Variants in VPS13B observed in about 807,000 individuals in gnomAD.
VPS13B encodes the protein vacuolar protein sorting 13 homolog B.
Under a neutral mutation model 426.4 loss-of-function variants are expected in VPS13B, and 285 were observed. The ratio of observed to expected loss-of-function variants is 0.67; its 90% CI spans 0.61 to 0.74. The LOEUF is 0.74. Ranked by LOEUF, VPS13B falls within the 30% of genes least tolerant of loss-of-function variation. VPS13B has a pLI of 0.00. For missense variants in VPS13B, 4,537 were observed against 4,782.6 expected (o/e 0.95, Z 1.51); for synonymous variants, 1,676 against 1,676.4 (o/e 1.00, Z 0.01).
intron 33 of VPS13B, among the ~76,000 whole-genome samples, chr8:99,591,034 T>C (rs1021757359): frequency 1.3e-5 from 2 of 152,174 alleles, no homozygotes; most frequent in Non-Finnish European, 2.9e-5. Context: ...GTTGGGTGTA[T>C]ATATATTTAG....
At chr8:99,804,623 A>G (rs1259011492) in intron 43 of VPS13B, among the ~76,000 whole-genome samples, 2 of 152,290 alleles carry the variant, frequency 1.3e-5, no homozygotes, top group Admixed American at 1.3e-4. Context: ...ATCTTGATTT[A>G]TTTATTCAAC....
At chr8:99,027,403 AG>A (rs1842197080) in intron 2 of VPS13B, among the ~76,000 whole-genome samples, 1 of 150,550 alleles carries the variant, frequency 6.6e-6, no homozygotes, top group Admixed American at 6.6e-5. Context: ...TGTGGTGATA[AG>A]TTTTACTTCT....
At position 99,751,617 on chromosome 8, in the gene VPS13B, A is replaced by T. The variant is rs1021478794; in HGVS notation, c.7051-15157A>T. Reference sequence around the variant, plus strand: ...AACATTTAATGAATATTTGATAAATATATTAAGTATACTTGATAGGCTAAT... The same window carrying T: ...AACATTTAATGAATATTTGATAAATTTATTAAGTATACTTGATAGGCTAAT... On this transcript the variant is annotated intron_variant, in intron 39 of 61. Transcript: ENST00000357162. Among the ~76,000 whole-genome samples the T allele has an allele frequency of 2.0e-5, 3 of 152,174 alleles. No individual in the cohort carries two copies. The East Asian group carries it at 5.8e-4, about 29-fold the overall frequency.
At chr8:99,399,651 A>G (rs533552663) in intron 21 of VPS13B, among the ~76,000 whole-genome samples, 1 of 152,294 alleles carries the variant, frequency 6.6e-6, no homozygotes, top group East Asian at 1.9e-4. Context: ...CAAATGCATT[A>G]CTTAGTTGAC....
At chr8:99,727,586 T>C (rs904820219) in intron 39 of VPS13B, among the ~76,000 whole-genome samples, 4 of 152,192 alleles carry the variant, frequency 2.6e-5, no homozygotes, top group Non-Finnish European at 5.9e-5. Flanking sequence ...GAAACGCCTG[T>C]ATTTAAAACC....
At chr8:99,121,846 CT>C (rs34151287) in intron 8 of VPS13B, 2,726 of 112,332 alleles carry the variant, frequency 0.024, 5 homozygotes, top group Non-Finnish European at 0.036. Context: ...CTCTCTCTCT[CT>C]TTTTTTTTTT....
At chr8:99,533,081 A>G (rs1245416074) in intron 30 of VPS13B, among the ~76,000 whole-genome samples, 1 of 151,596 alleles carries the variant, frequency 6.6e-6, no homozygotes, top group Non-Finnish European at 1.5e-5. Context: ...CTGGGATTAC[A>G]GGCACGCACA....
intron 17 of VPS13B, among the ~76,000 whole-genome samples, chr8:99,238,823 T>C (rs1301778647): frequency 6.6e-6 from 1 of 152,124 alleles, no homozygotes; most frequent in Non-Finnish European, 1.5e-5. Flanking sequence ...ATTCTAGTGA[T>C]ATATCTAAAA....
chr8:99,147,817 A>T, intron 13 of VPS13B, 24 bp from the exon 14 acceptor site: 1 of 1,378,224 alleles, frequency 7.3e-7, no homozygotes, highest in Non-Finnish European at 9.6e-7. Context: ...ATTCTTTATT[A>T]ATTTTTTATC....
intron 34 of VPS13B, among the ~76,000 whole-genome samples, chr8:99,649,451 C>T (rs1335401360): frequency 1.3e-5 from 2 of 151,792 alleles, no homozygotes; most frequent in Admixed American, 6.6e-5. Flanking sequence ...TTAAATTTTT[C>T]ACTTCTAAAA....
Position 99,590,904 on chromosome 8 carries a change from T to C in VPS13B, c.5220+13271T>C, listed in dbSNP as rs1389572833. The stretch of plus-strand genomic sequence containing the variant: ...CCTGGATATCCTCGTTAACCTTCTG[T>C]CTCATTGATCTCTCTAATATTGATA... On this transcript the variant is annotated intron_variant, in intron 33 of 61. Coordinates refer to ENST00000357162, the MANE Select transcript of VPS13B (RefSeq NM_152564.5). Among the ~76,000 whole-genome samples, 3 of 152,246 alleles carry C rather than the reference T, an allele frequency of 2.0e-5. No homozygotes were observed. The East Asian group carries it at 5.8e-4, about 29-fold the overall frequency.
intron 21 of VPS13B, among the ~76,000 whole-genome samples, chr8:99,429,075 A>G (rs1816926636): frequency 6.6e-6 from 1 of 152,188 alleles, no homozygotes; most frequent in African/African-American, 2.4e-5. Context: ...GTGGGAATTG[A>G]ACAATGAGAA....
chr8:99,394,957 TTA>T (rs1250694963), intron 21 of VPS13B, among the ~76,000 whole-genome samples: 1 of 152,170 alleles, frequency 6.6e-6, no homozygotes, highest in Non-Finnish European at 1.5e-5. Flanking sequence ...GTAACAGGGT[TTA>T]GATTTATATT....
chr8:99,225,701 C>T (rs1815978383), intron 17 of VPS13B, among the ~76,000 whole-genome samples: 1 of 152,080 alleles, frequency 6.6e-6, no homozygotes. Flanking sequence ...TTTGTGTTAC[C>T]ATGCTTTTGT....
intron 24 of VPS13B, among the ~76,000 whole-genome samples, chr8:99,468,369 T>C (rs2133514279): frequency 6.6e-6 from 1 of 152,236 alleles, no homozygotes; most frequent in African/African-American, 2.4e-5. Context: ...TGTGAATTCA[T>C]ATTAAACTGT....
intron 33 of VPS13B, among the ~76,000 whole-genome samples, chr8:99,630,656 T>C (rs966629673): frequency 6.6e-6 from 1 of 150,760 alleles, no homozygotes; most frequent in Non-Finnish European, 1.5e-5. Flanking sequence ...AATGAACTGT[T>C]CTAGGTGCTA....
chr8:99,735,047 C>T (rs1386368110), intron 39 of VPS13B, among the ~76,000 whole-genome samples: 1 of 152,106 alleles, frequency 6.6e-6, no homozygotes, highest in African/African-American at 2.4e-5. Flanking sequence ...GAAGTTTGGA[C>T]ATGTGGGCTG....
rs933119369 is a variant in VPS13B at position 99,088,140 on chromosome 8, C to T, written c.292-8172C>T. Among the ~76,000 whole-genome samples, 5 of 148,204 alleles carry T rather than the reference C, an allele frequency of 3.4e-5. No individual in the cohort carries two copies. The South Asian group carries it at 6.5e-4, about 19-fold the overall frequency. On this transcript the variant is annotated intron_variant, in intron 3 of 61. Coordinates refer to ENST00000357162, the MANE Select transcript of VPS13B (RefSeq NM_152564.5). ...CAGAGGTTGCAGTGAGCCGAGATTG[C>T]GCCACTGTACTCCAGACTGAGTGAC...
intron 25 of VPS13B, among the ~76,000 whole-genome samples, chr8:99,485,399 T>C (rs947836480): frequency 1.3e-5 from 2 of 152,162 alleles, no homozygotes; most frequent in Non-Finnish European, 2.9e-5. Flanking sequence ...TTATGAAAGA[T>C]GAATTATAAC....
Sources: gnomAD v4.1 joint callset for allele counts (sites outside exome capture counted in the v4.1 genomes callset) on GRCh38, gnomAD v4.1.1 for gene constraint, MANE v1.5 for transcripts, NCBI Gene and HGNC (gene_info 2026-07-23, HGNC 2026-07-21) for gene names.